Variants in ANO3 observed in about 807,000 individuals in gnomAD.
ANO3 encodes the protein anoctamin-3.
ANO3 carries 99 observed loss-of-function variants against 144.8 expected under a neutral mutation model. That is an observed-to-expected ratio of 0.68 (90% CI 0.58 to 0.81). ANO3 has a LOEUF of 0.81. Ranked by LOEUF, ANO3 falls within the 30% of genes least tolerant of loss-of-function variation. The probability of loss-of-function intolerance (pLI) is 0.00; values close to 1 mark genes in which losing one functional copy is unlikely to be tolerated. For missense variants in ANO3, 905 were observed against 1,202.2 expected (o/e 0.75, Z 3.66); for synonymous variants, 414 against 392.6 (o/e 1.05, Z -0.64).
intron 1 of ANO3, chr11:26,285,990 T>C (rs1255553994): frequency 6.6e-6 from 1 of 152,170 alleles, no homozygotes; most frequent in African/African-American, 2.4e-5. Context: ...TTGTGAGTTA[T>C]TAAAGGTCCT....
intron 1 of ANO3, among the ~76,000 whole-genome samples, chr11:26,314,800 T>C (rs1027597155): frequency 2.0e-5 from 3 of 152,150 alleles, no homozygotes; most frequent in Admixed American, 2.0e-4. Flanking sequence ...AATAGGTTTT[T>C]CTCTTATCTC....
chr11:26,372,574 T>C (rs909212771), intron 1 of ANO3, among the ~76,000 whole-genome samples: 2 of 152,218 alleles, frequency 1.3e-5, no homozygotes, highest in South Asian at 4.1e-4. Flanking sequence ...ACAGTGCTTT[T>C]TATACTATCT....
intron 1 of ANO3, among the ~76,000 whole-genome samples, chr11:26,385,683 A>G (rs1482944403): frequency 6.6e-6 from 1 of 152,044 alleles, no homozygotes; most frequent in East Asian, 1.9e-4. Flanking sequence ...GGGGTAATCC[A>G]TATTCCTCTT....
chr11:26,622,792 TA>T (rs1019045054), intron 17 of ANO3, among the ~76,000 whole-genome samples: 4 of 152,200 alleles, frequency 2.6e-5, no homozygotes, highest in Non-Finnish European at 4.4e-5. Context: ...TATACCTACT[TA>T]ACAAAATTGT....
At chr11:26,311,250 T>C (rs563675314) in intron 1 of ANO3, among the ~76,000 whole-genome samples, 6 of 152,312 alleles carry the variant, frequency 3.9e-5, no homozygotes, top group African/African-American at 1.4e-4. Flanking sequence ...TTATTGACTC[T>C]TCCCAACAAC....
intron 10 of ANO3, 83 bp downstream of exon 10, chr11:26,537,544 C>G: frequency 1.7e-6 from 2 of 1,146,148 alleles, no homozygotes; most frequent in Non-Finnish European, 2.7e-6. Context: ...TTGAATCTAG[C>G]TGTCCACTCC....
intron 3 of ANO3, among the ~76,000 whole-genome samples, chr11:26,445,257 A>C (rs1033905968): frequency 1.3e-5 from 2 of 152,192 alleles, no homozygotes; most frequent in African/African-American, 4.8e-5. Context: ...AAAAAATAAG[A>C]ACAAAAAACA....
intron 1 of ANO3, among the ~76,000 whole-genome samples, chr11:26,389,186 G>C (rs935368859): frequency 1.3e-5 from 2 of 152,028 alleles, no homozygotes; most frequent in African/African-American, 4.8e-5. Flanking sequence ...TTGTCAGAGA[G>C]ATATTTTCTC....
intron 1 of ANO3, among the ~76,000 whole-genome samples, chr11:26,302,102 CAT>C (rs1378438237): frequency 6.6e-6 from 1 of 152,172 alleles, no homozygotes; most frequent in Non-Finnish European, 1.5e-5. Context: ...CTGTCTGTCT[CAT>C]ATAATTTCTT....
chr11:26,660,374 A>T lies in ANO3; in HGVS notation c.2876A>T (p.Glu959Val). 1 of 1,613,340 alleles carries T rather than the reference A, an allele frequency of 6.2e-7. No individual in the cohort carries two copies. Among genetic ancestry groups the T allele is most frequent in the Non-Finnish European group, 8.5e-7 (1 of 1,179,568 alleles). ...TACTTAGTTCAAGAAATGATGTATG[A>T]GGCTGAACTGGAACATTTGCAACAA... is the stretch of plus-strand genomic sequence containing the variant. Reference protein sequence around the residue: ...EKYLVQEMMYEAELEHLQQQR... With the variant: ...EKYLVQEMMYVAELEHLQQQR... Residue 959 changes from glutamate (E) to valine (V), a missense_variant, in exon 27 of 27, where the codon GAG becomes GTG. Physicochemically the swap from Glu to Val is moderately radical, Grantham distance 121. Around this residue, in one of 4 missense-constraint regions of ANO3, gnomAD observed 597 missense variants for 865.1 expected, o/e 0.69. Coordinates refer to ENST00000256737, the MANE Select transcript of ANO3 (RefSeq NM_031418.4).
chr11:26,261,075 A>G (rs192187969), intron 1 of ANO3, among the ~76,000 whole-genome samples: 3,008 of 152,326 alleles, frequency 0.02, 62 homozygotes, highest in East Asian at 0.12. Flanking sequence ...GATAATCTTC[A>G]TGAACAAACA....
chr11:26,222,166 C>T (rs10834928), intron 1 of ANO3, among the ~76,000 whole-genome samples: 53,487 of 152,134 alleles, frequency 0.35, 9,689 homozygotes, highest in Non-Finnish European at 0.38. Context: ...GTCTTACCAT[C>T]CCAAAATGAA....
chr11:26,516,921 C>T lies in ANO3; in HGVS notation c.686C>T (p.Pro229Leu), dbSNP rs1193464179. Residue 229 changes from proline to leucine, a missense_variant, in exon 6 of 27, where the codon CCC becomes CTC. Physicochemically the swap from Pro to Leu is moderately conservative, Grantham distance 98 (BLOSUM62 -3). Around this residue, in one of 4 missense-constraint regions of ANO3, gnomAD observed 63 missense variants for 107.3 expected, o/e 0.59. Coordinates refer to ENST00000256737, the MANE Select transcript of ANO3 (RefSeq NM_031418.4). Reference protein sequence around the residue: ...KYAERLNIRMPFRKKCYYTDG... With the variant: ...KYAERLNIRMLFRKKCYYTDG... ...GCAGAGAGGCTGAATATCAGGATGCCCTTCAGGTACTTTCAAATTTTACTT... is the reference window on the plus strand; with the variant it reads ...GCAGAGAGGCTGAATATCAGGATGCTCTTCAGGTACTTTCAAATTTTACTT... The T allele has an allele frequency of 6.3e-7, 1 of 1,594,758 alleles. No homozygotes were observed. Among genetic ancestry groups the T allele is most frequent in the Non-Finnish European group, 8.6e-7 (1 of 1,166,122 alleles).
chr11:26,544,263 T>C (rs1565093522), intron 11 of ANO3, among the ~76,000 whole-genome samples: 4 of 79,814 alleles, frequency 5.0e-5, no homozygotes, highest in Admixed American at 1.3e-4. Flanking sequence ...TATATATATA[T>C]ATATATATAT....
At chr11:26,212,914 A>G (rs1321225000) in intron 1 of ANO3, among the ~76,000 whole-genome samples, 3 of 152,152 alleles carry the variant, frequency 2.0e-5, no homozygotes, top group Non-Finnish European at 2.9e-5. Context: ...CTAGCAGCAC[A>G]TCAAAAAGCT....
At chr11:26,650,514 C>T (rs755628203) in intron 24 of ANO3, among the ~76,000 whole-genome samples, 19 of 152,074 alleles carry the variant, frequency 1.2e-4, no homozygotes, top group Non-Finnish European at 2.1e-4. Context: ...GACATTTTCC[C>T]TAGTGATCCA....
chr11:26,317,495 C>A (rs943714810), intron 1 of ANO3, among the ~76,000 whole-genome samples: 4 of 151,830 alleles, frequency 2.6e-5, no homozygotes, highest in Non-Finnish European at 2.9e-5. Flanking sequence ...ATGCGGCCAA[C>A]AAACATGAAA....
At chr11:26,398,137 C>T (rs937283218) in intron 1 of ANO3, among the ~76,000 whole-genome samples, 36 of 152,198 alleles carry the variant, frequency 2.4e-4, no homozygotes, top group African/African-American at 8.7e-4. Flanking sequence ...TATACAGGTA[C>T]AATGCCAGGT....
chr11:26,205,718 G>A (rs1356822250), intron 1 of ANO3, among the ~76,000 whole-genome samples: 1 of 152,020 alleles, frequency 6.6e-6, no homozygotes, highest in Non-Finnish European at 1.5e-5. Context: ...CCTCATAAAC[G>A]GTATACTGTA....
Sources: allele counts gnomAD v4.1 joint callset (sites outside exome capture counted in the v4.1 genomes callset), GRCh38; gene constraint gnomAD v4.1.1; regional missense constraint gnomAD v4.1.1; transcripts MANE v1.5; gene names NCBI Gene and HGNC (gene_info 2026-07-23, HGNC 2026-07-21).